Variants in HAUS6 observed in about 807,000 individuals in gnomAD.
HAUS6 encodes the protein HAUS augmin-like complex subunit 6.
Under a neutral mutation model 106.8 loss-of-function variants are expected in HAUS6, and 80 were observed. That is an observed-to-expected ratio of 0.75 (90% CI 0.63 to 0.90). HAUS6 has a LOEUF of 0.90. HAUS6 is among the 40% of genes least tolerant of loss of function. The probability of loss-of-function intolerance (pLI) is 0.00; values close to 1 mark genes in which losing one functional copy is unlikely to be tolerated. For synonymous variants in HAUS6, 356 were observed against 379.1 expected, an observed-to-expected ratio of 0.94 and a Z score of 0.71; for missense variants, 1,155 against 1,118.1, an observed-to-expected ratio of 1.03 and a Z score of -0.47.
chr9:19,099,516 G>C (rs565149809), intron 1 of HAUS6, among the ~76,000 whole-genome samples: 1 of 152,202 alleles, frequency 6.6e-6, no homozygotes, highest in East Asian at 1.9e-4. Context: ...CCAGGCTGGA[G>C]TGCAGTGCTA....
intron 1 of HAUS6, among the ~76,000 whole-genome samples, chr9:19,098,232 G>C (rs1352175584): frequency 2.6e-4 from 40 of 152,164 alleles, no homozygotes. Context: ...TGAGTCAAGA[G>C]ATTGAGACCA....
At chr9:19,075,697 T>C (rs186552019) in intron 11 of HAUS6, among the ~76,000 whole-genome samples, 1 of 152,314 alleles carries the variant, frequency 6.6e-6, no homozygotes, top group Admixed American at 6.5e-5. Context: ...CTCACACCTA[T>C]AATCCCAGCA....
At chr9:19,100,145 G>C (rs1178850973) in intron 1 of HAUS6, among the ~76,000 whole-genome samples, 1 of 152,194 alleles carries the variant, frequency 6.6e-6, no homozygotes, top group Non-Finnish European at 1.5e-5. Flanking sequence ...AGTGAGTCCA[G>C]ATCGCACCAC....
intron 8 of HAUS6, among the ~76,000 whole-genome samples, chr9:19,081,905 A>C (rs891703150): frequency 7.1e-6 from 1 of 141,818 alleles, no homozygotes; most frequent in African/African-American, 2.5e-5. Context: ...TCTCTACTAA[A>C]GAAGTGTCTC....
At position 19,086,774 on chromosome 9, in the gene HAUS6, G is replaced by T; in HGVS notation, c.659C>A (p.Pro220His). ...GLENQIKKME[P>H]YDDHSNMEEK... is the part of the protein sequence containing the mutation. ...TTCCATATTACTGTGGTCATCATAG[G>T]GTTCCATTCTAATAAAAATTAAATA... is the stretch of plus-strand genomic sequence containing the variant. The change falls in exon 7 of 17, where the codon CCC (proline) becomes CAC (histidine). Residue 220 changes from proline (P) to histidine (H), a missense_variant. Physicochemically the swap from Pro to His is moderately conservative, Grantham distance 77. Around this residue, in one of 3 missense-constraint regions of HAUS6, gnomAD observed 761 missense variants for 690.0 expected, o/e 1.10. Coordinates refer to ENST00000380502, the MANE Select transcript of HAUS6 (RefSeq NM_017645.5). 2 of 1,178,686 alleles carry T rather than the reference G, an allele frequency of 1.7e-6. No individual in the cohort carries two copies. The highest frequency in any genetic ancestry group is 2.4e-5 in the East Asian group (1 of 42,350). The allele number at this position is 1,178,686 out of a possible 1,614,324, so 73.0% of individuals were successfully genotyped here.
rs540283189 is a variant in HAUS6, at chr9:19,055,112, G to C, written c.*1231C>G. 13 of 152,330 alleles carry C rather than the reference G, an allele frequency of 8.5e-5. No individual in the cohort carries two copies. Among genetic ancestry groups the C allele is most frequent in the South Asian group, 8.3e-4 (4 of 4,822 alleles). 9.4% of individuals were successfully genotyped at this position (152,330 alleles called of 1,614,324 possible). A position where few individuals can be genotyped will look rare whatever the true frequency, so the allele number is the denominator to read the frequency against. On this transcript the variant is annotated 3_prime_UTR_variant, in exon 17 of 17. Transcript: ENST00000380502. The stretch of plus-strand genomic sequence containing the variant: ...ACTGGGACAGGACAACCAACTTAGA[G>C]AAAGGCAGCCCAAGATAAAAGAAAT...
In HAUS6 at chr9:19,057,940, A is replaced by G. The variant is rs777812746; in HGVS notation, c.2806+21T>C. On this transcript the variant is annotated intron_variant, in intron 16 of 16. Transcript: ENST00000380502. ...AGAAAACTTCAACAGGTGAATATGC[A>G]TAGGTCTATTTAAACCTTACCCTTT... The G allele has an allele frequency of 2.8e-6, 4 of 1,441,492 alleles. No homozygotes were observed. In the South Asian group the frequency reaches 3.7e-5, roughly 13 times the overall value. The allele number at this position is 1,441,492 out of a possible 1,614,324, so 89.3% of individuals were successfully genotyped here.
chr9:19,068,534 AG>A (rs1402364649), intron 12 of HAUS6, among the ~76,000 whole-genome samples: 9 of 152,242 alleles, frequency 5.9e-5, no homozygotes, highest in African/African-American at 1.9e-4. Context: ...TTACAAAAAA[AG>A]TTTTAACTCT....
At chr9:19,099,109 C>T (rs984241569) in intron 1 of HAUS6, among the ~76,000 whole-genome samples, 1 of 149,126 alleles carries the variant, frequency 6.7e-6, no homozygotes, top group African/African-American at 2.5e-5. Context: ...CCAAAGAGAA[C>T]GTATACGTAT....
At chr9:19,091,142 T>C (rs532708779) in intron 4 of HAUS6, among the ~76,000 whole-genome samples, 2 of 151,612 alleles carry the variant, frequency 1.3e-5, no homozygotes, top group South Asian at 2.1e-4. Flanking sequence ...ATACTAAAAA[T>C]ACAAAAAAAT....
At position 19,093,651 on chromosome 9, in the gene HAUS6, T is replaced by A. The variant is rs571046089; in HGVS notation, c.304-348A>T. 6.6e-5 allele frequency among the ~76,000 whole-genome samples: 10 copies of A among 152,240 alleles called. No homozygotes were observed. In the East Asian group the frequency reaches 1.5e-3, roughly 24 times the overall value. Reference sequence around the variant, plus strand: ...TGGGAGGCCGAGGCAGACGGATCACTGGAGGTCAGGAGTTCAAGACCAGCC... The same window carrying A: ...TGGGAGGCCGAGGCAGACGGATCACAGGAGGTCAGGAGTTCAAGACCAGCC... On this transcript the variant is annotated intron_variant, in intron 3 of 16. Coordinates refer to ENST00000380502, the MANE Select transcript of HAUS6 (RefSeq NM_017645.5).
At chr9:19,067,500 T>A (rs1836787174) in intron 12 of HAUS6, among the ~76,000 whole-genome samples, 1 of 152,136 alleles carries the variant, frequency 6.6e-6, no homozygotes, top group Non-Finnish European at 1.5e-5. Context: ...AAATCTATAA[T>A]TAAAATAATC....
intron 1 of HAUS6, among the ~76,000 whole-genome samples, chr9:19,099,157 G>A (rs1264965451): frequency 6.7e-6 from 1 of 149,242 alleles, no homozygotes; most frequent in African/African-American, 2.5e-5. Context: ...GGTTTTTTTT[G>A]TTTGTTTTTT....
intron 1 of HAUS6, among the ~76,000 whole-genome samples, chr9:19,097,849 T>C (rs1414256305): frequency 6.6e-6 from 1 of 150,918 alleles, no homozygotes; most frequent in East Asian, 1.9e-4. Context: ...GAATCAAGAG[T>C]TAACTTAAAC....
At position 19,056,241 on chromosome 9, in the gene HAUS6, CAG is replaced by C. The variant is rs1486683262; in HGVS notation, c.*100_*101del. The C allele has an allele frequency of 3.8e-5, 25 of 657,114 alleles. No homozygotes were observed. The highest frequency in any genetic ancestry group is 3.3e-4 in the African/African-American group (18 of 55,118). 40.7% of individuals were successfully genotyped at this position (657,114 alleles called of 1,614,324 possible). ...AGGAATTTTTTTAAACCTTGAAAAA[CAG>C]TGTTACACTTCCAACATGTATTTAA... On this transcript the variant is annotated 3_prime_UTR_variant, in exon 17 of 17. Transcript: ENST00000380502.
intron 14 of HAUS6, 35 bp from the exon 15 acceptor site, chr9:19,060,258 C>G (rs1162791433): frequency 6.8e-7 from 1 of 1,478,722 alleles, no homozygotes; most frequent in Non-Finnish European, 9.0e-7. Flanking sequence ...GCAAAGATTA[C>G]CAAGCCCATT....
chr9:19,084,152 T>C (rs555588054), intron 7 of HAUS6, among the ~76,000 whole-genome samples: 1 of 151,806 alleles, frequency 6.6e-6, no homozygotes, highest in East Asian at 1.9e-4. Flanking sequence ...GGTACATTGG[T>C]GCTATATTCA....
chr9:19,081,665 C>G (rs1253189550), intron 8 of HAUS6, among the ~76,000 whole-genome samples: 1 of 152,074 alleles, frequency 6.6e-6, no homozygotes, highest in East Asian at 1.9e-4. Context: ...GTCTCAATAC[C>G]TGACCGCAAG....
chr9:19,098,299 G>T (rs1023867610), intron 1 of HAUS6, among the ~76,000 whole-genome samples: 2 of 152,022 alleles, frequency 1.3e-5, no homozygotes, highest in Admixed American at 6.6e-5. Flanking sequence ...TTAGCTGGGC[G>T]TGGTGGCGTG....
Sources: allele counts gnomAD v4.1 joint callset (sites outside exome capture counted in the v4.1 genomes callset), GRCh38; gene constraint gnomAD v4.1.1; regional missense constraint gnomAD v4.1.1; transcripts MANE v1.5; gene names NCBI Gene and HGNC (gene_info 2026-07-23, HGNC 2026-07-21).